The following CSMD1 variants were observed in gnomAD, a reference collection of about 807,000 sequenced individuals.
The protein encoded by CSMD1 is CUB and sushi domain-containing protein 1.
A neutral mutation model predicts 417.5 loss-of-function variants in CSMD1; 213 were observed. The ratio of observed to expected loss-of-function variants is 0.51; its 90% CI spans 0.46 to 0.57. The LOEUF (loss-of-function observed/expected upper bound fraction) is 0.57, where lower values mean the gene tolerates loss of function less well. Among genes scored for constraint, CSMD1 ranks in the 20% least tolerant of loss-of-function variants. The pLI, the probability that CSMD1 is intolerant of heterozygous loss-of-function variation, is 0.00. For missense variants in CSMD1, 6,923 were observed against 4,529.7 expected (o/e 1.53, Z -15.17); for synonymous variants, 2,862 against 1,736.8 (o/e 1.65, Z -16.11).
intron 3 of CSMD1, among the ~76,000 whole-genome samples, chr8:4,380,428 G>C (rs549009654): frequency 1.1e-4 from 16 of 152,254 alleles, no homozygotes; most frequent in East Asian, 3.9e-4. Flanking sequence ...ACAATCAAGA[G>C]AATTTCCACA....
chr8:4,592,016 G>C (rs1438818741), intron 2 of CSMD1, among the ~76,000 whole-genome samples: 1 of 152,156 alleles, frequency 6.6e-6, no homozygotes, highest in Non-Finnish European at 1.5e-5. Context: ...AATGCGGCCA[G>C]GATGGGACCA....
At chr8:3,564,059 A>T (rs1340451643) in intron 10 of CSMD1, among the ~76,000 whole-genome samples, 1 of 152,160 alleles carries the variant, frequency 6.6e-6, no homozygotes, top group African/African-American at 2.4e-5. Flanking sequence ...TACACGTGAT[A>T]TTTTGGTACA....
intron 25 of CSMD1, among the ~76,000 whole-genome samples, chr8:3,291,526 G>C (rs1045200127): frequency 6.6e-6 from 1 of 152,160 alleles, no homozygotes; most frequent in Non-Finnish European, 1.5e-5. Context: ...TCTATTCAGA[G>C]ATTCAACTTC....
intron 3 of CSMD1, among the ~76,000 whole-genome samples, chr8:4,173,727 T>G (rs1584956769): frequency 6.6e-6 from 1 of 152,020 alleles, no homozygotes; most frequent in South Asian, 2.1e-4. Flanking sequence ...ATGAGAAAAT[T>G]TTTTGTCATT....
intron 25 of CSMD1, among the ~76,000 whole-genome samples, chr8:3,305,038 T>TAAA (rs1190582800): frequency 2.0e-5 from 3 of 152,292 alleles, no homozygotes; most frequent in Non-Finnish European, 4.4e-5. Flanking sequence ...AGGACTAATA[T>TAAA]TTAATTTAAT....
chr8:3,253,543 G>T (rs1222402968), intron 26 of CSMD1, among the ~76,000 whole-genome samples: 1 of 152,092 alleles, frequency 6.6e-6, no homozygotes, highest in African/African-American at 2.4e-5. Flanking sequence ...TGTCTATTAG[G>T]TCCACTTGGA....
rs192816932 is a variant in CSMD1 at position 4,425,358 on chromosome 8, G to A, written c.303-5293C>T. 2.1e-3 allele frequency among the ~76,000 whole-genome samples: 309 copies of A among 144,180 alleles called. 7 individuals are homozygous for A. In the South Asian group the frequency reaches 0.051, roughly 24 times the overall value. The allele number at this position is 144,180 out of a possible 152,430, so 94.6% of individuals were successfully genotyped here. The stretch of plus-strand genomic sequence containing the variant: ...GATTTCAAATAGCTGCAATGAAATG[G>A]ATTCATTCTTATTTGTGTGCCAAAA... On this transcript the variant is annotated intron_variant, in intron 2 of 69. Transcript: ENST00000635120.
intron 3 of CSMD1, among the ~76,000 whole-genome samples, chr8:4,376,503 AT>A (rs1802749401): frequency 6.6e-6 from 1 of 152,182 alleles, no homozygotes; most frequent in South Asian, 2.1e-4. Context: ...TGAATAGACC[AT>A]TATTTTCCCC....
At chr8:3,146,699 G>A (rs899622312) in intron 40 of CSMD1, among the ~76,000 whole-genome samples, 5 of 152,094 alleles carry the variant, frequency 3.3e-5, no homozygotes, top group African/African-American at 1.2e-4. Flanking sequence ...GGTCACTGTC[G>A]GTTACTGAGG....
intron 1 of CSMD1, among the ~76,000 whole-genome samples, chr8:4,689,044 C>A (rs1053707527): frequency 6.6e-6 from 1 of 152,218 alleles, no homozygotes; most frequent in South Asian, 2.1e-4. Flanking sequence ...CTGCTGTCCA[C>A]ATAATAACTT....
rs1246183572 is a variant in CSMD1 at position 4,532,944 on chromosome 8, C to A, written c.302+104398G>T. On this transcript the variant is annotated intron_variant, in intron 2 of 69. Coordinates refer to ENST00000635120, the MANE Select transcript of CSMD1 (RefSeq NM_033225.6). ...AATCTTGCACCTGCATTCACAGTCA[C>A]TCCGGAAGAGAAATCCTGCACCGTC... is the stretch of plus-strand genomic sequence containing the variant. Among the ~76,000 whole-genome samples, 4 of 152,134 alleles carry A rather than the reference C, an allele frequency of 2.6e-5. No individual in the cohort carries two copies. The East Asian group carries it at 7.7e-4, about 29-fold the overall frequency.
Position 4,074,302 on chromosome 8 carries a change from G to C in CSMD1, c.416-42203C>G, listed in dbSNP as rs991939694. Among the ~76,000 whole-genome samples the C allele has an allele frequency of 3.9e-5, 6 of 152,018 alleles. No homozygotes were observed. In the Middle Eastern group the frequency reaches 0.014, roughly 345 times the overall value. On this transcript the variant is annotated intron_variant, in intron 3 of 69. Coordinates refer to ENST00000635120, the MANE Select transcript of CSMD1 (RefSeq NM_033225.6). Reference sequence around the variant, plus strand: ...AAACGGTGTCAGCTAAACAATGAAAGAAAATAAAAACTATAGATTAACAGT... The same window carrying C: ...AAACGGTGTCAGCTAAACAATGAAACAAAATAAAAACTATAGATTAACAGT...
intron 2 of CSMD1, among the ~76,000 whole-genome samples, chr8:4,524,337 G>T (rs1397659069): frequency 6.6e-6 from 1 of 151,302 alleles, no homozygotes; most frequent in Non-Finnish European, 1.5e-5. Flanking sequence ...ACTGTTAAAA[G>T]CAAGAAAAAC....
chr8:4,751,422 T>A (rs1051254381), intron 1 of CSMD1, among the ~76,000 whole-genome samples: 1 of 151,866 alleles, frequency 6.6e-6, no homozygotes, highest in Admixed American at 6.6e-5. Context: ...AAAGAGAGCA[T>A]CTCTATAAAA....
At chr8:4,337,942 C>T (rs1016133928) in intron 3 of CSMD1, among the ~76,000 whole-genome samples, 1 of 152,136 alleles carries the variant, frequency 6.6e-6, no homozygotes, top group African/African-American at 2.4e-5. Context: ...AATGATATCG[C>T]ATTTCTCAAC....
chr8:4,652,879 C>CCTATTTTTAAAAAAAAAAAAACAG (rs1563072557), intron 1 of CSMD1, among the ~76,000 whole-genome samples: 1 of 151,944 alleles, frequency 6.6e-6, no homozygotes, highest in African/African-American at 2.4e-5. Flanking sequence ...GGTTCATGCT[C>CCTATTTTTAAAAAAAAAAAAACAG]CTGTAAGAAT....
At chr8:3,113,781 C>A (rs1433669906) in intron 42 of CSMD1, among the ~76,000 whole-genome samples, 5 of 152,204 alleles carry the variant, frequency 3.3e-5, no homozygotes, top group Non-Finnish European at 5.9e-5. Context: ...AGAAAATCAA[C>A]TGGGGGGTTG....
intron 1 of CSMD1, among the ~76,000 whole-genome samples, chr8:4,818,396 C>A (rs995232523): frequency 6.6e-6 from 1 of 152,140 alleles, no homozygotes; most frequent in African/African-American, 2.4e-5. Flanking sequence ...TCCCCTTGAA[C>A]AATATAACAT....
intron 12 of CSMD1, among the ~76,000 whole-genome samples, chr8:3,424,433 C>G (rs970196116): frequency 6.6e-6 from 1 of 152,116 alleles, no homozygotes; most frequent in Non-Finnish European, 1.5e-5. Context: ...CAAGGTAGCA[C>G]GTCTAGTCTG....
Sources: gnomAD v4.1 joint callset for allele counts (sites outside exome capture counted in the v4.1 genomes callset) on GRCh38, gnomAD v4.1.1 for gene constraint, MANE v1.5 for transcripts, NCBI Gene and HGNC (gene_info 2026-07-23, HGNC 2026-07-21) for gene names.